Variants in LRP1B observed in about 807,000 individuals in gnomAD.
The protein encoded by LRP1B is LDL receptor related protein 1B, also known as low-density lipoprotein receptor-related protein 1B.
Under a neutral mutation model 556.6 loss-of-function variants are expected in LRP1B, and 217 were observed. The observed-to-expected ratio is 0.39, with a 90% CI of 0.35 to 0.44. LRP1B has a LOEUF of 0.44. LRP1B is among the 20% of genes least tolerant of loss of function. The probability of loss-of-function intolerance (pLI) is 1.00; values close to 1 mark genes in which losing one functional copy is unlikely to be tolerated. For missense variants in LRP1B, 5,053 were observed against 5,620.8 expected, an observed-to-expected ratio of 0.90 and a Z score of 3.23; for synonymous variants, 2,047 against 1,865.8, an observed-to-expected ratio of 1.10 and a Z score of -2.50.
chr2:141,635,772 T>C (rs1233566015), intron 2 of LRP1B, among the ~76,000 whole-genome samples: 1 of 152,148 alleles, frequency 6.6e-6, no homozygotes, highest in Non-Finnish European at 1.5e-5. Flanking sequence ...GCTAAATAAG[T>C]TAGTGAAGAT....
At chr2:141,089,816 G>C (rs906998303) in intron 7 of LRP1B, among the ~76,000 whole-genome samples, 5 of 152,236 alleles carry the variant, frequency 3.3e-5, no homozygotes, top group Non-Finnish European at 7.3e-5. Flanking sequence ...ACAGCTGTAA[G>C]AGACAGTGCT....
intron 58 of LRP1B, 62 bp from the exon 59 acceptor site, chr2:140,485,586 G>T (rs1688433081): frequency 1.7e-6 from 2 of 1,202,624 alleles, no homozygotes; most frequent in East Asian, 4.9e-5. Context: ...GTGAGCAATT[G>T]CTTCTTGATT....
intron 3 of LRP1B, among the ~76,000 whole-genome samples, chr2:141,475,612 AC>A (rs1329625426): frequency 6.6e-6 from 1 of 151,560 alleles, no homozygotes. Flanking sequence ...GGCCTGCCAC[AC>A]CCCCCTATCC....
chr2:140,748,591 G>GCATATATATA (rs1553521873), intron 35 of LRP1B, among the ~76,000 whole-genome samples: 6 of 73,330 alleles, frequency 8.2e-5, no homozygotes, highest in Admixed American at 6.5e-4. Flanking sequence ...TATACAGTGT[G>GCATATATATA]TATATATATA....
chr2:141,038,673 AAGT>A (rs1663727001), intron 11 of LRP1B, among the ~76,000 whole-genome samples: 1 of 152,068 alleles, frequency 6.6e-6, no homozygotes, highest in South Asian at 2.1e-4. Flanking sequence ...CCCTAAAGTC[AAGT>A]CAATCTAGAC....
chr2:141,145,742 A>T (rs1046665866), intron 7 of LRP1B, among the ~76,000 whole-genome samples: 9 of 151,832 alleles, frequency 5.9e-5, no homozygotes, highest in African/African-American at 2.2e-4. Flanking sequence ...CGTGTTGGTC[A>T]GGCTGGTCTC....
In LRP1B at chr2:140,921,298, T is replaced by C. The variant is rs1191003421; in HGVS notation, c.3319+1667A>G. Among the ~76,000 whole-genome samples, 5 of 152,004 alleles carry C rather than the reference T, an allele frequency of 3.3e-5. No homozygotes were observed. The East Asian group carries it at 9.6e-4, about 29-fold the overall frequency. ...TTCAAGTAATTGAAACTCAGGATTTTCCATATTGGTTTATATTTTGTTTTA... is the reference window on the plus strand; with the variant it reads ...TTCAAGTAATTGAAACTCAGGATTTCCCATATTGGTTTATATTTTGTTTTA... On this transcript the variant is annotated intron_variant, in intron 21 of 90. Coordinates refer to ENST00000389484, the MANE Select transcript of LRP1B (RefSeq NM_018557.3).
chr2:140,394,386 T>C (rs1421993778), intron 66 of LRP1B, among the ~76,000 whole-genome samples: 1 of 152,032 alleles, frequency 6.6e-6, no homozygotes, highest in African/African-American at 2.4e-5. Flanking sequence ...GCTTTTACAT[T>C]AGAGAGGCAC....
intron 57 of LRP1B, among the ~76,000 whole-genome samples, chr2:140,489,732 G>A (rs1370560452): frequency 6.6e-6 from 1 of 152,010 alleles, no homozygotes; most frequent in Non-Finnish European, 1.5e-5. Flanking sequence ...CAATTCAGGT[G>A]GCTAAATTAG....
Position 140,568,200 on chromosome 2 carries a change from CAAA to C in LRP1B, c.7195-26232_7195-26230del, listed in dbSNP as rs56676136. ...AATCTTAAGATAATGCACCATGGTC[CAAA>C]AAAAAAAAAAAAATACAGGTAAACA... is the stretch of plus-strand genomic sequence containing the variant. On this transcript the variant is annotated intron_variant, in intron 43 of 90. Transcript: ENST00000389484. Among the ~76,000 whole-genome samples the C allele has an allele frequency of 4.8e-3, 589 of 123,692 alleles. 4 individuals carry two copies. The highest frequency in any genetic ancestry group is 0.016 in the African/African-American group (535 of 34,288). The allele number at this position is 123,692 out of a possible 152,430, so 81.1% of individuals were successfully genotyped here.
At chr2:142,098,302 T>C (rs1275585237) in intron 1 of LRP1B, among the ~76,000 whole-genome samples, 1 of 151,806 alleles carries the variant, frequency 6.6e-6, no homozygotes, top group Non-Finnish European at 1.5e-5. Flanking sequence ...TAAATCTTTG[T>C]TGATGCTTTT....
intron 43 of LRP1B, among the ~76,000 whole-genome samples, chr2:140,572,668 C>T (rs1390337965): frequency 7.9e-5 from 12 of 151,714 alleles, no homozygotes; most frequent in African/African-American, 2.9e-4. Context: ...AAAAAGATAT[C>T]TGCATTCCCA....
At chr2:140,723,288 T>C (rs1687479408) in intron 35 of LRP1B, among the ~76,000 whole-genome samples, 1 of 152,176 alleles carries the variant, frequency 6.6e-6, no homozygotes, top group Admixed American at 6.5e-5. Context: ...ACCACAACTC[T>C]GTTAAAAATA....
intron 32 of LRP1B, among the ~76,000 whole-genome samples, chr2:140,804,648 A>ATTTTTTTTTTTTTTTTTTTTTTT (rs1690646115): frequency 1.9e-5 from 2 of 103,892 alleles, no homozygotes; most frequent in African/African-American, 7.1e-5. Flanking sequence ...GGTAAAAACT[A>ATTTTTTTTTTTTTTTTTTTTTTT]ATTTTTTTTT....
intron 11 of LRP1B, among the ~76,000 whole-genome samples, chr2:141,046,653 T>A (rs1346958556): frequency 1.3e-5 from 2 of 152,092 alleles, no homozygotes; most frequent in African/African-American, 4.8e-5. Context: ...ATAGGTGGAA[T>A]GCAAAGAACC....
chr2:141,115,544 C>T (rs541292548), intron 7 of LRP1B, among the ~76,000 whole-genome samples: 73 of 149,088 alleles, frequency 4.9e-4, no homozygotes, highest in African/African-American at 1.8e-3. Context: ...GCAAGCTCCG[C>T]CTCCCGAGTT....
intron 2 of LRP1B, among the ~76,000 whole-genome samples, chr2:141,570,230 T>A (rs1011008763): frequency 2.0e-5 from 3 of 150,784 alleles, no homozygotes; most frequent in African/African-American, 7.3e-5. Context: ...AAATTGACTC[T>A]CTCATCAAAA....
chr2:140,643,995 T>A (rs888562038), intron 41 of LRP1B, among the ~76,000 whole-genome samples: 1 of 152,170 alleles, frequency 6.6e-6, no homozygotes, highest in South Asian at 2.1e-4. Flanking sequence ...TTTAGTAGAG[T>A]GCATTGAATC....
At chr2:140,972,692 A>T (rs894507787) in intron 18 of LRP1B, among the ~76,000 whole-genome samples, 3 of 143,470 alleles carry the variant, frequency 2.1e-5, no homozygotes, top group African/African-American at 7.6e-5. Context: ...TAAGTTTCTG[A>T]CAATTTTAAG....
Sources: gnomAD v4.1 joint callset for allele counts (sites outside exome capture counted in the v4.1 genomes callset) on GRCh38, gnomAD v4.1.1 for gene constraint, MANE v1.5 for transcripts, NCBI Gene and HGNC (gene_info 2026-07-23, HGNC 2026-07-21) for gene names.